The following NELL1 variants were observed in gnomAD, a reference collection of about 807,000 sequenced individuals.
The protein encoded by NELL1 is protein kinase C-binding protein NELL1.
NELL1 carries 76 observed loss-of-function variants against 107.4 expected under a neutral mutation model. The observed-to-expected ratio is 0.71, with a 90% CI of 0.59 to 0.86. The LOEUF (loss-of-function observed/expected upper bound fraction) is 0.86. Among genes scored for constraint, NELL1 ranks in the 40% least tolerant of loss-of-function variants. The pLI is 0.00. For missense variants in NELL1, 1,024 were observed against 1,005.5 expected (o/e 1.02, Z -0.25); for synonymous variants, 353 against 341.2 (o/e 1.03, Z -0.38).
chr11:21,062,117 T>C (rs544269941), intron 12 of NELL1, among the ~76,000 whole-genome samples: 2 of 152,326 alleles, frequency 1.3e-5, no homozygotes, highest in South Asian at 4.1e-4. Flanking sequence ...TGATAGCACT[T>C]GAAATGTGGT....
intron 12 of NELL1, among the ~76,000 whole-genome samples, chr11:21,015,074 C>G (rs1407747107): frequency 1.1e-4 from 16 of 152,048 alleles, no homozygotes; most frequent in Admixed American, 1.0e-3. Context: ...TGTCAATTCT[C>G]TTTTTCTTAA....
intron 13 of NELL1, among the ~76,000 whole-genome samples, chr11:21,140,330 G>A (rs773921992): frequency 2.0e-5 from 3 of 152,166 alleles, no homozygotes; most frequent in Admixed American, 1.3e-4. Context: ...AATACCTACC[G>A]AGGGAAATTA....
At chr11:20,938,584 T>G (rs1377229202) in intron 10 of NELL1, among the ~76,000 whole-genome samples, 2 of 152,148 alleles carry the variant, frequency 1.3e-5, no homozygotes, top group African/African-American at 4.8e-5. Flanking sequence ...TGTTCCAAAA[T>G]TACATTTTGG....
intron 14 of NELL1, among the ~76,000 whole-genome samples, chr11:21,302,867 G>A (rs1849524008): frequency 6.6e-6 from 1 of 151,564 alleles, no homozygotes; most frequent in African/African-American, 2.4e-5. Context: ...ATCAGCCTGG[G>A]CAGTATAGTG....
chr11:20,842,818 A>G (rs1217574890), intron 3 of NELL1, among the ~76,000 whole-genome samples: 1 of 152,230 alleles, frequency 6.6e-6, no homozygotes, highest in East Asian at 1.9e-4. Context: ...TTGTTAAAAC[A>G]AGTAAAATAT....
Position 21,499,233 on chromosome 11 carries a change from ATTTAC to A in NELL1, c.1646-35138_1646-35134del, listed in dbSNP as rs527639668. Among the ~76,000 whole-genome samples, 575 of 152,008 alleles carry A rather than the reference ATTTAC, an allele frequency of 3.8e-3. 4 individuals carry two copies. Among genetic ancestry groups the A allele is most frequent in the Non-Finnish European group, 5.0e-3 (337 of 67,902 alleles). On this transcript the variant is annotated intron_variant, in intron 15 of 19. Coordinates refer to ENST00000357134, the MANE Select transcript of NELL1 (RefSeq NM_006157.5). Reference sequence around the variant, plus strand: ...ATTAAACTCTGTAATACATTGTAAAATTTACTTCTATATATTGTGTGAAATAAGAA... The same window carrying A: ...ATTAAACTCTGTAATACATTGTAAAATTCTATATATTGTGTGAAATAAGAA...
intron 12 of NELL1, among the ~76,000 whole-genome samples, chr11:20,991,264 C>T (rs974700411): frequency 1.3e-5 from 2 of 152,154 alleles, no homozygotes; most frequent in East Asian, 1.9e-4. Context: ...AATGCATTGT[C>T]TTTGTTCCAG....
At chr11:21,274,424 A>T (rs1848808928) in intron 14 of NELL1, among the ~76,000 whole-genome samples, 1 of 152,206 alleles carries the variant, frequency 6.6e-6, no homozygotes, top group Non-Finnish European at 1.5e-5. Flanking sequence ...CTACAAAGAG[A>T]CTTAGACTCC....
intron 13 of NELL1, among the ~76,000 whole-genome samples, chr11:21,223,618 G>T (rs567002720): frequency 2.9e-4 from 44 of 152,030 alleles, no homozygotes; most frequent in African/African-American, 9.9e-4. Flanking sequence ...ATTGTTTTCT[G>T]GTTGTTTTTT....
intron 13 of NELL1, among the ~76,000 whole-genome samples, chr11:21,160,775 A>G (rs1856347138): frequency 6.6e-6 from 1 of 152,210 alleles, no homozygotes; most frequent in Non-Finnish European, 1.5e-5. Flanking sequence ...CTTATACATT[A>G]CTATTTCCAC....
intron 17 of NELL1, among the ~76,000 whole-genome samples, chr11:21,563,233 A>T (rs1334370095): frequency 2.0e-5 from 3 of 152,196 alleles, no homozygotes; most frequent in African/African-American, 7.2e-5. Flanking sequence ...AAATTTGTCT[A>T]GGACTTTAGG....
intron 3 of NELL1, among the ~76,000 whole-genome samples, chr11:20,830,804 C>T (rs1482504552): frequency 6.6e-6 from 1 of 152,138 alleles, no homozygotes; most frequent in East Asian, 1.9e-4. Flanking sequence ...CCTGTGAGAA[C>T]TTTTCCAGTC....
intron 2 of NELL1, among the ~76,000 whole-genome samples, chr11:20,723,713 T>A (rs577815525): frequency 3.9e-4 from 58 of 150,412 alleles, no homozygotes; most frequent in Admixed American, 7.2e-4. Context: ...CATTAGGCAG[T>A]GCCCCAGTGG....
chr11:21,422,132 C>A (rs978073163), intron 15 of NELL1, among the ~76,000 whole-genome samples: 18 of 151,432 alleles, frequency 1.2e-4, no homozygotes, highest in African/African-American at 4.4e-4. Context: ...TGTACACACG[C>A]ACGTGTATGT....
At chr11:21,362,205 C>T in intron 14 of NELL1, among the ~76,000 whole-genome samples, 1 of 152,180 alleles carries the variant, frequency 6.6e-6, no homozygotes, top group East Asian at 1.9e-4. Context: ...ATAATGCTCT[C>T]CCACTTTCCC....
At chr11:20,690,988 A>C (rs1178817866) in intron 2 of NELL1, among the ~76,000 whole-genome samples, 1 of 152,030 alleles carries the variant, frequency 6.6e-6, no homozygotes, top group Non-Finnish European at 1.5e-5. Context: ...CTCCTTGAAG[A>C]GGTCCTTCAC....
At chr11:20,832,673 C>T (rs1028211633) in intron 3 of NELL1, among the ~76,000 whole-genome samples, 2 of 152,150 alleles carry the variant, frequency 1.3e-5, no homozygotes, top group African/African-American at 4.8e-5. Context: ...ATAAAAGTTT[C>T]TTATCAAGGA....
At chr11:20,678,096 T>C (rs766533372) in intron 2 of NELL1, 36 bp downstream of exon 2, 10 of 1,612,732 alleles carry the variant, frequency 6.2e-6, no homozygotes, top group South Asian at 1.1e-5. Context: ...GTGGCAGAGG[T>C]TGGGGAGGAG....
chr11:21,424,734 G>A (rs1852777384), intron 15 of NELL1, among the ~76,000 whole-genome samples: 1 of 152,134 alleles, frequency 6.6e-6, no homozygotes, highest in African/African-American at 2.4e-5. Context: ...AACTTGCAAA[G>A]ACTAAATCAT....
Sources: gnomAD v4.1 joint callset for allele counts (sites outside exome capture counted in the v4.1 genomes callset) on GRCh38, gnomAD v4.1.1 for gene constraint, MANE v1.5 for transcripts, NCBI Gene and HGNC (gene_info 2026-07-23, HGNC 2026-07-21) for gene names.